The following NRXN3 variants were observed in gnomAD, a reference collection of about 807,000 sequenced individuals.
NRXN3 encodes the protein neurexin III.
Under a neutral mutation model 137.6 loss-of-function variants are expected in NRXN3, and 32 were observed. That is an observed-to-expected ratio of 0.23 (90% CI 0.18 to 0.31). The LOEUF is 0.31. Among genes scored for constraint, NRXN3 ranks in the 10% least tolerant of loss-of-function variants. NRXN3 has a pLI of 1.00. For missense variants in NRXN3, 1,574 were observed against 2,062.5 expected, an observed-to-expected ratio of 0.76 and a Z score of 4.59; for synonymous variants, 798 against 784.5, an observed-to-expected ratio of 1.02 and a Z score of -0.29.
intron 20 of NRXN3, among the ~76,000 whole-genome samples, chr14:79,824,416 C>G (rs556186012): frequency 2.6e-5 from 4 of 151,676 alleles, no homozygotes; most frequent in Non-Finnish European, 4.4e-5. Flanking sequence ...TTTTTTTCCA[C>G]GTGCATCTTA....
intron 15 of NRXN3, among the ~76,000 whole-genome samples, chr14:79,100,461 A>G (rs1248331948): frequency 6.6e-6 from 1 of 152,212 alleles, no homozygotes; most frequent in Non-Finnish European, 1.5e-5. Context: ...CCTTTACCAA[A>G]TGATCCATCC....
intron 17 of NRXN3, among the ~76,000 whole-genome samples, chr14:79,664,939 C>T (rs2098550909): frequency 6.6e-6 from 1 of 152,154 alleles, no homozygotes; most frequent in South Asian, 2.1e-4. Flanking sequence ...CCACTTTTCT[C>T]TAACTTCCTT....
intron 15 of NRXN3, among the ~76,000 whole-genome samples, chr14:79,328,005 T>C (rs1459942191): frequency 1.3e-5 from 2 of 152,166 alleles, no homozygotes; most frequent in African/African-American, 4.8e-5. Flanking sequence ...GCTTAATACC[T>C]AGATGATGGG....
chr14:78,531,012 C>A (rs1373702923), intron 4 of NRXN3, among the ~76,000 whole-genome samples: 1 of 152,136 alleles, frequency 6.6e-6, no homozygotes, highest in East Asian at 1.9e-4. Context: ...CTGTAAGTAG[C>A]CCTACTTTCA....
chr14:79,584,488 G>A (rs1169649345), intron 16 of NRXN3, among the ~76,000 whole-genome samples: 1 of 152,202 alleles, frequency 6.6e-6, no homozygotes, highest in African/African-American at 2.4e-5. Flanking sequence ...ATTAGGGATG[G>A]GGGAGAGCTG....
chr14:78,954,231 C>A (rs1291065285), intron 10 of NRXN3, among the ~76,000 whole-genome samples: 1 of 152,114 alleles, frequency 6.6e-6, no homozygotes, highest in Non-Finnish European at 1.5e-5. Context: ...ATGAGTTGAC[C>A]TTTTGACTTG....
intron 15 of NRXN3, among the ~76,000 whole-genome samples, chr14:79,164,215 A>G (rs1228966746): frequency 6.6e-6 from 1 of 151,964 alleles, no homozygotes; most frequent in Non-Finnish European, 1.5e-5. Flanking sequence ...CTAACTATAT[A>G]TCTTTGAATT....
At chr14:78,487,140 T>G (rs542197952) in intron 4 of NRXN3, among the ~76,000 whole-genome samples, 18 of 152,320 alleles carry the variant, frequency 1.2e-4, no homozygotes, top group African/African-American at 4.3e-4. Context: ...ATGAGCTATT[T>G]TTTTACTCAT....
intron 15 of NRXN3, among the ~76,000 whole-genome samples, chr14:79,287,108 C>G (rs190327079): frequency 1.3e-5 from 2 of 152,292 alleles, no homozygotes; most frequent in East Asian, 3.9e-4. Context: ...CATGCATCTG[C>G]TGGTTCTCCT....
At chr14:79,425,075 A>C (rs2095635046) in intron 15 of NRXN3, among the ~76,000 whole-genome samples, 1 of 152,182 alleles carries the variant, frequency 6.6e-6, no homozygotes, top group African/African-American at 2.4e-5. Context: ...TTAGGGGTTA[A>C]ACTCACAGAC....
chr14:79,085,198 G>A (rs1011229770), intron 15 of NRXN3, among the ~76,000 whole-genome samples: 1 of 152,084 alleles, frequency 6.6e-6, no homozygotes, highest in Non-Finnish European at 1.5e-5. Flanking sequence ...GTTTTTGTTC[G>A]AAGTTTTAAA....
intron 20 of NRXN3, among the ~76,000 whole-genome samples, chr14:79,824,427 C>A (rs760635084): frequency 7.9e-5 from 12 of 151,632 alleles, no homozygotes; most frequent in African/African-American, 2.9e-4. Context: ...GTGCATCTTA[C>A]GACTATAGTC....
intron 10 of NRXN3, among the ~76,000 whole-genome samples, chr14:78,919,005 C>T (rs957384312): frequency 2.0e-5 from 3 of 152,074 alleles, no homozygotes; most frequent in African/African-American, 4.8e-5. Context: ...ATGATTTCCA[C>T]CAAGAGAAAG....
chr14:78,578,445 C>T (rs928770588), intron 4 of NRXN3, among the ~76,000 whole-genome samples: 3 of 152,170 alleles, frequency 2.0e-5, no homozygotes, highest in Non-Finnish European at 2.9e-5. Flanking sequence ...ACCAATGCAT[C>T]AACATCTGTC....
chr14:78,750,494 A>T (rs2098635894), intron 8 of NRXN3, among the ~76,000 whole-genome samples: 1 of 152,266 alleles, frequency 6.6e-6, no homozygotes, highest in South Asian at 2.1e-4. Flanking sequence ...TGTTTAAAGG[A>T]TAGTATGCTG....
At chr14:79,651,348 T>C (rs1448382451) in intron 16 of NRXN3, among the ~76,000 whole-genome samples, 2 of 152,122 alleles carry the variant, frequency 1.3e-5, no homozygotes, top group Non-Finnish European at 2.9e-5. Flanking sequence ...ATAGCAAAAA[T>C]TGAAAAGCAG....
intron 10 of NRXN3, among the ~76,000 whole-genome samples, chr14:78,828,770 C>A (rs1033652426): frequency 1.3e-5 from 2 of 152,168 alleles, no homozygotes; most frequent in African/African-American, 2.4e-5. Flanking sequence ...TAATGCAATG[C>A]TGAACAAGAC....
intron 10 of NRXN3, among the ~76,000 whole-genome samples, chr14:78,891,090 A>G (rs2099157587): frequency 6.6e-6 from 1 of 151,924 alleles, no homozygotes; most frequent in Admixed American, 6.6e-5. Flanking sequence ...TCAGATGGTA[A>G]CTGGGTGGAA....
chr14:79,106,793 A>G (rs896342606), intron 15 of NRXN3, among the ~76,000 whole-genome samples: 11 of 152,254 alleles, frequency 7.2e-5, no homozygotes, highest in South Asian at 6.2e-4. Flanking sequence ...ACCAAATAGA[A>G]TCTCTTTATG....
Sources: allele counts gnomAD v4.1 joint callset (sites outside exome capture counted in the v4.1 genomes callset), GRCh38; gene constraint gnomAD v4.1.1; transcripts MANE v1.5; gene names NCBI Gene and HGNC (gene_info 2026-07-23, HGNC 2026-07-21).